Variants in CLYBL observed in about 807,000 individuals in gnomAD.
CLYBL encodes citramalyl-CoA lyase, also known as citramalyl-CoA lyase, mitochondrial.
CLYBL carries 31 observed loss-of-function variants against 38.9 expected under a neutral mutation model. The observed-to-expected ratio is 0.80, with a 90% CI of 0.60 to 1.08. The LOEUF (loss-of-function observed/expected upper bound fraction) is 1.08, where lower values mean the gene tolerates loss of function less well. Among genes scored for constraint, CLYBL ranks in the 50% least tolerant of loss-of-function variants. The pLI, the probability that CLYBL is intolerant of heterozygous loss-of-function variation, is 0.00. For missense variants in CLYBL, 434 were observed against 411.6 expected (o/e 1.05, Z -0.47); for synonymous variants, 171 against 158.6 (o/e 1.08, Z -0.59).
chr13:99,763,093 T>A (rs770761442), intron 1 of CLYBL, among the ~76,000 whole-genome samples: 6 of 152,248 alleles, frequency 3.9e-5, no homozygotes, highest in Non-Finnish European at 7.3e-5. Flanking sequence ...TTTCTAAGTA[T>A]AAGATCATGT....
chr13:99,782,579 C>G (rs1004026953), intron 2 of CLYBL, among the ~76,000 whole-genome samples: 2 of 152,112 alleles, frequency 1.3e-5, no homozygotes, highest in African/African-American at 4.8e-5. Context: ...ACTATGTTCT[C>G]TAGAGTGCCA....
intron 1 of CLYBL, among the ~76,000 whole-genome samples, chr13:99,719,397 C>T (rs965669477): frequency 6.6e-6 from 1 of 152,116 alleles, no homozygotes; most frequent in African/African-American, 2.4e-5. Context: ...AGTGATTCTA[C>T]TGCCTTGGCC....
intron 1 of CLYBL, among the ~76,000 whole-genome samples, chr13:99,631,630 G>A (rs61974371): frequency 2.7e-5 from 4 of 150,792 alleles, no homozygotes; most frequent in Admixed American, 2.0e-4. Context: ...TTGGAGTCTC[G>A]CTCAGTCGCC....
At position 99,869,990 on chromosome 13, in the gene CLYBL, A is replaced by G. The variant is rs2051843484; in HGVS notation, c.803-948A>G. 6.6e-6 allele frequency among the ~76,000 whole-genome samples: 1 copy of G among 152,002 alleles called. No homozygotes were observed. Among genetic ancestry groups the G allele is most frequent in the South Asian group, 2.1e-4 (1 of 4,820 alleles). On this transcript the variant is annotated intron_variant, in intron 6 of 8. Coordinates refer to ENST00000339105, the MANE Select transcript of CLYBL (RefSeq NM_206808.5). This position sits in a 1 kb window ranked among gnomAD's most constrained non-coding sequence, Gnocchi z 4.3. ...GGATTCTACACTTCCCTGATTGTTA[A>G]ATTGTTTTTTTAATGACTGCATTAT...
intron 1 of CLYBL, among the ~76,000 whole-genome samples, chr13:99,672,943 G>A (rs1025601717): frequency 2.0e-5 from 3 of 152,106 alleles, no homozygotes; most frequent in South Asian, 2.1e-4. Flanking sequence ...TCATCCATGC[G>A]CCCAATGGGT....
Position 99,864,894 on chromosome 13 carries a change from A to G in CLYBL, c.617A>G (p.Asp206Gly). 1 of 1,612,830 alleles carries G rather than the reference A, an allele frequency of 6.2e-7. No individual in the cohort carries two copies. Reference protein sequence around the residue: ...FLDAVVFGGEDFRASIGATSS... With the variant: ...FLDAVVFGGEGFRASIGATSS... ...GATGCAGTCGTTTTTGGAGGAGAAG[A>G]CTTTCGAGCCAGCATAGGTGTCAAA... The change falls in exon 5 of 9, where the codon GAC becomes GGC. Residue 206 changes from aspartate to glycine, a missense_variant. By Grantham distance (94) the Asp-to-Gly change is moderately conservative. Coordinates refer to ENST00000339105, the MANE Select transcript of CLYBL (RefSeq NM_206808.5).
chr13:99,688,136 G>A (rs746413221), intron 1 of CLYBL, among the ~76,000 whole-genome samples: 1 of 152,048 alleles, frequency 6.6e-6, no homozygotes, highest in Non-Finnish European at 1.5e-5. Context: ...ATTTTTCCCA[G>A]GAAAAATTTT....
chr13:99,807,081 G>A (rs763936503), intron 2 of CLYBL, among the ~76,000 whole-genome samples: 12 of 152,182 alleles, frequency 7.9e-5, no homozygotes, highest in African/African-American at 2.7e-4. Flanking sequence ...TACCCCATTC[G>A]CAATGGTATT....
At chr13:99,756,113 A>T (rs2049058226) in intron 1 of CLYBL, among the ~76,000 whole-genome samples, 1 of 152,088 alleles carries the variant, frequency 6.6e-6, no homozygotes, top group African/African-American at 2.4e-5. Context: ...TGTTCACCCC[A>T]TTCTCACCCC....
intron 1 of CLYBL, among the ~76,000 whole-genome samples, chr13:99,703,244 A>G (rs1180696936): frequency 6.6e-6 from 1 of 152,338 alleles, no homozygotes; most frequent in East Asian, 1.9e-4. Context: ...AGTTGGGGCC[A>G]CCATCTCCAT....
intron 1 of CLYBL, among the ~76,000 whole-genome samples, chr13:99,688,292 T>C (rs1454196728): frequency 6.6e-6 from 1 of 152,196 alleles, no homozygotes; most frequent in Non-Finnish European, 1.5e-5. Context: ...CGTTTTAGGT[T>C]ATTTTAGCTC....
chr13:99,796,002 C>T (rs1385114675), intron 2 of CLYBL, among the ~76,000 whole-genome samples: 1 of 152,102 alleles, frequency 6.6e-6, no homozygotes, highest in Non-Finnish European at 1.5e-5. Flanking sequence ...TGGATAGGTA[C>T]ACAGGGGAAA....
At chr13:99,615,923 T>A (rs1477182539) in intron 1 of CLYBL, among the ~76,000 whole-genome samples, 1 of 152,200 alleles carries the variant, frequency 6.6e-6, no homozygotes, top group African/African-American at 2.4e-5. Flanking sequence ...AACCTCTGCC[T>A]CCTGGGTTCA....
At chr13:99,685,767 G>C (rs9517833) in intron 1 of CLYBL, among the ~76,000 whole-genome samples, 4,537 of 152,138 alleles carry the variant, frequency 0.03, 123 homozygotes, top group Middle Eastern at 0.085. Flanking sequence ...TTCGAGACCA[G>C]CCTGGCCAAC....
At chr13:99,700,275 A>G (rs1284643385) in intron 1 of CLYBL, among the ~76,000 whole-genome samples, 2 of 151,936 alleles carry the variant, frequency 1.3e-5, no homozygotes, top group Non-Finnish European at 2.9e-5. Context: ...CAACATGGAG[A>G]AACCCCATCT....
At chr13:99,726,303 A>G (rs1212634727) in intron 1 of CLYBL, 1 of 152,210 alleles carries the variant, frequency 6.6e-6, no homozygotes, top group Non-Finnish European at 1.5e-5. Context: ...TGTCATAATT[A>G]TCATTGTAAT....
chr13:99,902,399 A>C (rs1175540061), intron 8 of CLYBL, among the ~76,000 whole-genome samples: 1 of 152,224 alleles, frequency 6.6e-6, no homozygotes, highest in East Asian at 1.9e-4. Flanking sequence ...GAGAATACTT[A>C]AGGTAAATGT....
chr13:99,606,975 G>A lies in CLYBL; in HGVS notation c.62+218G>A, dbSNP rs1016912172. Among the ~76,000 whole-genome samples, 5 of 152,306 alleles carry A rather than the reference G, an allele frequency of 3.3e-5. No homozygotes were observed. In the East Asian group the frequency reaches 7.7e-4, roughly 24 times the overall value. On this transcript the variant is annotated intron_variant, in intron 1 of 8. Coordinates refer to ENST00000339105, the MANE Select transcript of CLYBL (RefSeq NM_206808.5). The stretch of plus-strand genomic sequence containing the variant: ...GGCCCTCGTTGCACCCGGAAAATGG[G>A]TACACACCTTAGGTCGAATTACCTG...
rs1481406015 is a variant in CLYBL, at chr13:99,869,507, A to G, written c.803-1431A>G. The stretch of plus-strand genomic sequence containing the variant: ...TATTCGTTCCCAGAAATTATTCCTC[A>G]GGTAATTTAAGGAATCTTTACTTAT... On this transcript the variant is annotated intron_variant, in intron 6 of 8. Transcript: ENST00000339105. The surrounding 1 kb of genome is among the most constrained non-coding windows in gnomAD (Gnocchi z 4.3). 6.6e-6 allele frequency among the ~76,000 whole-genome samples: 1 copy of G among 152,126 alleles called. No individual in the cohort carries two copies. The highest frequency in any genetic ancestry group is 1.5e-5 in the Non-Finnish European group (1 of 67,994).
Sources: gnomAD v4.1 joint callset for allele counts (sites outside exome capture counted in the v4.1 genomes callset) on GRCh38, gnomAD v4.1.1 for gene constraint, Gnocchi (gnomAD v3.1) non-coding constraint, MANE v1.5 for transcripts, NCBI Gene and HGNC (gene_info 2026-07-23, HGNC 2026-07-21) for gene names.